The following RYR2 variants were observed in gnomAD, a reference collection of about 807,000 sequenced individuals.
RYR2 encodes ryanodine receptor 2.
RYR2 carries 227 observed loss-of-function variants against 601.1 expected under a neutral mutation model. The observed-to-expected ratio is 0.38, with a 90% confidence interval of 0.34 to 0.42. The LOEUF is 0.42. Ranked by LOEUF, RYR2 falls within the 10% of genes least tolerant of loss-of-function variation. The pLI is 1.00. For missense variants in RYR2, 4,646 were observed against 6,156.5 expected (o/e 0.75, Z 8.21); for synonymous variants, 2,223 against 2,175.1 (o/e 1.02, Z -0.61).
intron 79 of RYR2, among the ~76,000 whole-genome samples, chr1:237,738,664 T>A (rs1358462488): frequency 1.3e-5 from 2 of 152,156 alleles, no homozygotes; most frequent in Non-Finnish European, 2.9e-5. Context: ...TCCTCCATAC[T>A]TTTTTGTGCT....
At chr1:237,104,588 G>A (rs996051647) in intron 1 of RYR2, among the ~76,000 whole-genome samples, 3 of 152,034 alleles carry the variant, frequency 2.0e-5, no homozygotes, top group Middle Eastern at 3.4e-3. Flanking sequence ...TTCTTTGCCC[G>A]GCAAATTCTA....
intron 1 of RYR2, among the ~76,000 whole-genome samples, chr1:237,089,696 GT>G (rs1263726508): frequency 1.3e-5 from 2 of 152,210 alleles, no homozygotes; most frequent in African/African-American, 4.8e-5. Context: ...AGAAAAATAA[GT>G]CATGTTCCTT....
chr1:237,267,143 A>G (rs1689153120), intron 1 of RYR2, among the ~76,000 whole-genome samples: 1 of 152,206 alleles, frequency 6.6e-6, no homozygotes, highest in Admixed American at 6.5e-5. Flanking sequence ...ATTTGTCCAA[A>G]GTGCACAGGC....
chr1:237,547,679 C>T (rs990123443), intron 25 of RYR2, among the ~76,000 whole-genome samples: 8 of 152,164 alleles, frequency 5.3e-5, no homozygotes, highest in African/African-American at 1.7e-4. Context: ...GTACTATTGC[C>T]CTTATATGTG....
At chr1:237,255,413 C>T (rs1053212513) in intron 1 of RYR2, among the ~76,000 whole-genome samples, 1 of 152,156 alleles carries the variant, frequency 6.6e-6, no homozygotes, top group Non-Finnish European at 1.5e-5. Context: ...ACATCTATAT[C>T]CAAGCCATTT....
chr1:237,430,779 A>G (rs1314614983), intron 12 of RYR2, among the ~76,000 whole-genome samples: 2 of 152,158 alleles, frequency 1.3e-5, no homozygotes, highest in Non-Finnish European at 2.9e-5. Flanking sequence ...ATATTTTTGA[A>G]TGTTCTTGAT....
At chr1:237,145,353 C>T (rs1673894743) in intron 1 of RYR2, among the ~76,000 whole-genome samples, 1 of 152,208 alleles carries the variant, frequency 6.6e-6, no homozygotes, top group Non-Finnish European at 1.5e-5. Flanking sequence ...TTGTTACTAT[C>T]TAAATATTCC....
chr1:237,170,593 T>C (rs921490665), intron 1 of RYR2, among the ~76,000 whole-genome samples: 4 of 152,236 alleles, frequency 2.6e-5, no homozygotes, highest in Non-Finnish European at 5.9e-5. Context: ...AAGTCTTTGT[T>C]TTGTTTTAAA....
chr1:237,763,978 C>T (rs535083703), intron 84 of RYR2, among the ~76,000 whole-genome samples: 1 of 152,338 alleles, frequency 6.6e-6, no homozygotes, highest in South Asian at 2.1e-4. Context: ...AGTGATGTCA[C>T]TTGCTTCAAC....
intron 63 of RYR2, among the ~76,000 whole-genome samples, chr1:237,695,379 T>C (rs1687328938): frequency 6.6e-6 from 1 of 152,178 alleles, no homozygotes; most frequent in African/African-American, 2.4e-5. Context: ...CAATCTATCA[T>C]TGTTTCCCTG....
intron 5 of RYR2, 155 bp from the exon 6 acceptor site, chr1:237,369,378 CA>C: frequency 1.4e-6 from 1 of 701,618 alleles, no homozygotes; most frequent in South Asian, 1.6e-5. Flanking sequence ...CCAATGTATA[CA>C]TTATTTCAAC....
chr1:237,456,205 G>T (rs1658797263), intron 15 of RYR2, among the ~76,000 whole-genome samples: 1 of 152,000 alleles, frequency 6.6e-6, no homozygotes, highest in Non-Finnish European at 1.5e-5. Context: ...CAGCATTTTT[G>T]ATTTGCTTTA....
intron 28 of RYR2, among the ~76,000 whole-genome samples, chr1:237,567,820 G>T (rs1330678394): frequency 6.6e-6 from 1 of 151,898 alleles, no homozygotes; most frequent in East Asian, 1.9e-4. Context: ...TTTGACGTTT[G>T]GATATTTCTT....
chr1:237,700,116 G>A (rs756361615), intron 64 of RYR2, 113 bp from the exon 65 acceptor site: 2 of 705,010 alleles, frequency 2.8e-6, no homozygotes, highest in Non-Finnish European at 4.7e-6. Flanking sequence ...TTAAAAGTTG[G>A]TTACCAGGTG....
intron 38 of RYR2, among the ~76,000 whole-genome samples, chr1:237,618,576 T>C (rs1678738965): frequency 6.6e-6 from 1 of 152,126 alleles, no homozygotes; most frequent in Admixed American, 6.5e-5. Context: ...CCAATGGGCA[T>C]AGACAAGAAA....
At chr1:237,326,835 G>A (rs1003556663) in intron 2 of RYR2, among the ~76,000 whole-genome samples, 1 of 152,158 alleles carries the variant, frequency 6.6e-6, no homozygotes, top group Non-Finnish European at 1.5e-5. Flanking sequence ...GGCATTAGGA[G>A]TCATTTTGGT....
chr1:237,323,371 T>G (rs1292144052), intron 2 of RYR2, among the ~76,000 whole-genome samples: 1 of 152,154 alleles, frequency 6.6e-6, no homozygotes, highest in Admixed American at 6.6e-5. Flanking sequence ...CTTGCAAAGT[T>G]CCAGGTAATT....
chr1:237,221,836 C>A (rs1683829837), intron 1 of RYR2, among the ~76,000 whole-genome samples: 1 of 152,186 alleles, frequency 6.6e-6, no homozygotes, highest in African/African-American at 2.4e-5. Context: ...CTGGACCTTT[C>A]AGCCTGGCCC....
intron 1 of RYR2, among the ~76,000 whole-genome samples, chr1:237,230,447 AT>A (rs911883180): frequency 7.9e-5 from 12 of 151,422 alleles, no homozygotes; most frequent in East Asian, 7.8e-4. Context: ...ATTATACTAC[AT>A]TTTTTTTTCA....
Sources: gnomAD v4.1 joint callset for allele counts (sites outside exome capture counted in the v4.1 genomes callset) on GRCh38, gnomAD v4.1.1 for gene constraint, MANE v1.5 for transcripts, NCBI Gene and HGNC (gene_info 2026-07-23, HGNC 2026-07-21) for gene names.